ZSWIM5: variants seen among roughly 807,000 people sequenced by gnomAD.
ZSWIM5 encodes zinc finger SWIM-type containing 5.
In ZSWIM5, 55 loss-of-function variants were observed where a neutral mutation model predicts 119.6. The observed-to-expected ratio is 0.46, with a 90% CI of 0.37 to 0.58. The LOEUF is 0.58. Ranked by LOEUF, ZSWIM5 falls within the 20% of genes least tolerant of loss-of-function variation. The pLI is 0.00. For missense variants in ZSWIM5, 1,193 were observed against 1,512.8 expected (o/e 0.79, Z 3.51); for synonymous variants, 537 against 606.9 (o/e 0.88, Z 1.69).
At chr1:45,024,172 G>A (rs1297569036) in intron 11 of ZSWIM5, among the ~76,000 whole-genome samples, 1 of 144,738 alleles carries the variant, frequency 6.9e-6, no homozygotes, top group Admixed American at 7.0e-5. Context: ...TTTCTTAACA[G>A]TTTTTCTTTC....
chr1:45,051,165 G>A lies in ZSWIM5; in HGVS notation c.1341C>T (p.Asp447=). 6.2e-7 allele frequency: 1 copy of A among 1,614,184 alleles called. No homozygotes were observed. The highest frequency in any genetic ancestry group is 8.5e-7 in the Non-Finnish European group (1 of 1,180,034). The change falls in exon 5 of 14, where the codon GAC becomes GAT. Residue 447 remains aspartate, a synonymous_variant. Coordinates refer to ENST00000359600, the MANE Select transcript of ZSWIM5 (RefSeq NM_020883.2). ...CWLQQLQKWS[D]LDVCPLEDGN... ...CATCCTCCAGGGGACAGACATCCAG[G>A]TCGCTCCACTTCTGCAGCTGCTGCA... is the stretch of plus-strand genomic sequence containing the variant.
At chr1:45,182,827 T>C (rs570479844) in intron 1 of ZSWIM5, among the ~76,000 whole-genome samples, 3 of 152,010 alleles carry the variant, frequency 2.0e-5, no homozygotes, top group Non-Finnish European at 2.9e-5. Context: ...CTGTCAACAT[T>C]AGACAGATCA....
chr1:45,174,389 AAAAT>A (rs1645963755), intron 1 of ZSWIM5, among the ~76,000 whole-genome samples: 1 of 152,110 alleles, frequency 6.6e-6, no homozygotes, highest in Non-Finnish European at 1.5e-5. Flanking sequence ...TAAACAATTC[AAAAT>A]AAATAGGTAA....
At chr1:45,151,801 C>T (rs1645798230) in intron 1 of ZSWIM5, among the ~76,000 whole-genome samples, 1 of 152,062 alleles carries the variant, frequency 6.6e-6, no homozygotes. Flanking sequence ...ATAAATTGTA[C>T]CTATTTAAAG....
intron 1 of ZSWIM5, among the ~76,000 whole-genome samples, chr1:45,136,324 T>C (rs1645689030): frequency 6.6e-6 from 1 of 152,160 alleles, no homozygotes; most frequent in East Asian, 1.9e-4. Flanking sequence ...ATTCATAATA[T>C]ATAAAATATA....
chr1:45,135,860 T>G (rs1278668443), intron 1 of ZSWIM5, among the ~76,000 whole-genome samples: 1 of 152,018 alleles, frequency 6.6e-6, no homozygotes, highest in East Asian at 1.9e-4. Context: ...CTTCTCAATG[T>G]GTGAAGTCTT....
intron 4 of ZSWIM5, among the ~76,000 whole-genome samples, chr1:45,054,173 G>A (rs1191577171): frequency 6.6e-6 from 1 of 152,168 alleles, no homozygotes; most frequent in East Asian, 1.9e-4. Context: ...AGCTACTTGG[G>A]AGGCTGAGGT....
rs58600794 is a variant in ZSWIM5 at position 45,171,602 on chromosome 1, T to C, written c.595+34154A>G. Among the ~76,000 whole-genome samples, 710 of 152,182 alleles carry C rather than the reference T, an allele frequency of 4.7e-3. 9 individuals carry two copies. The highest frequency in any genetic ancestry group is 0.016 in the African/African-American group (669 of 41,550). On this transcript the variant is annotated intron_variant, in intron 1 of 13. Transcript: ENST00000359600. ...CCTATTTTCATAAGATAGGACATCA[T>C]ACTATTATAATTCCATAACCTCATC...
rs1329661228 is a variant in ZSWIM5 at position 45,018,849 on chromosome 1, T to A, written c.3163A>T (p.Asn1055Tyr). Residue 1055 changes from asparagine (N) to tyrosine (Y), a missense_variant, in exon 14 of 14, where the codon AAT becomes TAT. Coordinates refer to ENST00000359600, the MANE Select transcript of ZSWIM5 (RefSeq NM_020883.2). The surrounding 1 kb of genome is among the most constrained non-coding windows in gnomAD (Gnocchi z 6.7). ...ACALSHSLGK[N>Y]ELAALIPLVV... is the part of the protein sequence containing the mutation. Reference sequence around the variant, plus strand: ...AGGGGGATGAGAGCTGCCAGCTCATTCTTGCCCAGAGAGTGGCTGAGAGCA... The same window carrying A: ...AGGGGGATGAGAGCTGCCAGCTCATACTTGCCCAGAGAGTGGCTGAGAGCA... The A allele has an allele frequency of 6.2e-7, 1 of 1,614,232 alleles. No homozygotes were observed. The highest frequency in any genetic ancestry group is 1.7e-5 in the Admixed American group (1 of 60,022).
intron 1 of ZSWIM5, among the ~76,000 whole-genome samples, chr1:45,128,260 C>T (rs979472284): frequency 1.3e-5 from 2 of 152,172 alleles, no homozygotes; most frequent in African/African-American, 4.8e-5. Context: ...AGTCTGTCAT[C>T]ACAGCTCACT....
chr1:45,093,594 A>G (rs1645380411), intron 1 of ZSWIM5, among the ~76,000 whole-genome samples: 1 of 152,218 alleles, frequency 6.6e-6, no homozygotes, highest in Non-Finnish European at 1.5e-5. Context: ...GAAGGCTCTG[A>G]GTGGCTCTGG....
chr1:45,074,204 T>C lies in ZSWIM5; in HGVS notation c.952+13677A>G, dbSNP rs192193643. On this transcript the variant is annotated intron_variant, in intron 2 of 13. Transcript: ENST00000359600. ...TTGGCCTGTAGTTTTATTTTTTTGA[T>C]ATGTCTTTGTCTGGTTTTGGTATCA... 7.0e-4 allele frequency among the ~76,000 whole-genome samples: 106 copies of C among 152,118 alleles called. 3 individuals carry two copies. Among genetic ancestry groups the C allele is most frequent in the African/African-American group, 2.4e-3 (100 of 41,386 alleles).
At chr1:45,161,244 A>G (rs965828414) in intron 1 of ZSWIM5, among the ~76,000 whole-genome samples, 1 of 152,108 alleles carries the variant, frequency 6.6e-6, no homozygotes, top group African/African-American at 2.4e-5. Context: ...TTTGACATAG[A>G]GATTTATTTT....
At chr1:45,183,996 T>A (rs1217344952) in intron 1 of ZSWIM5, among the ~76,000 whole-genome samples, 3 of 152,102 alleles carry the variant, frequency 2.0e-5, no homozygotes, top group Non-Finnish European at 2.9e-5. Context: ...GCAAAAATCC[T>A]CAATAAAATA....
intron 1 of ZSWIM5, among the ~76,000 whole-genome samples, chr1:45,190,840 C>G (rs1376886544): frequency 6.7e-6 from 1 of 149,614 alleles, no homozygotes; most frequent in Admixed American, 6.7e-5. Flanking sequence ...GCAATGCAGG[C>G]CTGATAAAAG....
intron 5 of ZSWIM5, 140 bp downstream of exon 5, chr1:45,050,934 T>C (rs1394566658): frequency 2.4e-6 from 2 of 820,780 alleles, no homozygotes; most frequent in Non-Finnish European, 3.7e-6. Context: ...CATTTCAAGA[T>C]GAATAAAAAC....
chr1:45,043,524 A>G, intron 5 of ZSWIM5, 129 bp from the exon 6 acceptor site: 1 of 887,734 alleles, frequency 1.1e-6, no homozygotes, highest in Non-Finnish European at 1.7e-6. Context: ...AGCAGTATTG[A>G]GAACAGGTTA....
At chr1:45,142,487 GACC>G (rs763508348) in intron 1 of ZSWIM5, among the ~76,000 whole-genome samples, 5 of 152,050 alleles carry the variant, frequency 3.3e-5, no homozygotes, top group Non-Finnish European at 7.4e-5. Flanking sequence ...TAGTAGCTTG[GACC>G]ACAGGTACAT....
intron 2 of ZSWIM5, among the ~76,000 whole-genome samples, chr1:45,078,972 C>G (rs564299608): frequency 1.3e-5 from 2 of 152,108 alleles, no homozygotes; most frequent in African/African-American, 4.8e-5. Context: ...CCAGATGGCC[C>G]GAAGCAAGTG....
Sources: allele counts gnomAD v4.1 joint callset (sites outside exome capture counted in the v4.1 genomes callset), GRCh38; gene constraint gnomAD v4.1.1; non-coding constraint Gnocchi (gnomAD v3.1); transcripts MANE v1.5; gene names NCBI Gene and HGNC (gene_info 2026-07-23, HGNC 2026-07-21).